Variants in MED13L observed in about 807,000 individuals in gnomAD.
MED13L encodes mediator of RNA polymerase II transcription subunit 13-like.
MED13L carries 7 observed loss-of-function variants against 220.9 expected under a neutral mutation model. The observed-to-expected ratio is 0.03, with a 90% CI of 0.02 to 0.06. The LOEUF (loss-of-function observed/expected upper bound fraction) is 0.06, where lower values mean the gene tolerates loss of function less well. MED13L is among the 10% of genes least tolerant of loss of function. The pLI is 1.00. For missense variants in MED13L, 1,965 were observed against 2,760.5 expected (o/e 0.71, Z 6.46); for synonymous variants, 1,011 against 1,015.2 (o/e 1.00, Z 0.08).
At chr12:116,136,465 G>GGA (rs142607969) in intron 2 of MED13L, among the ~76,000 whole-genome samples, 31 of 152,098 alleles carry the variant, frequency 2.0e-4, no homozygotes, top group African/African-American at 7.5e-4. Flanking sequence ...TGAGAGAGAG[G>GGA]GAGAGAGAGA....
intron 1 of MED13L, chr12:116,276,772 C>A: frequency 1.5e-6 from 2 of 1,297,776 alleles, no homozygotes; most frequent in Non-Finnish European, 2.0e-6. Context: ...AGAGGGTGGG[C>A]GTTCGAAGTG....
chr12:116,038,664 A>G (rs572189170), intron 4 of MED13L, among the ~76,000 whole-genome samples: 5 of 150,410 alleles, frequency 3.3e-5, no homozygotes, highest in Non-Finnish European at 5.9e-5. Context: ...AAAGAGTGTA[A>G]AACAGATGGA....
chr12:116,004,921 G>A (rs1844624397), intron 13 of MED13L, among the ~76,000 whole-genome samples: 1 of 152,134 alleles, frequency 6.6e-6, no homozygotes, highest in South Asian at 2.1e-4. Context: ...GTATCTGAAT[G>A]TCCAGCAACT....
intron 4 of MED13L, among the ~76,000 whole-genome samples, chr12:116,087,061 A>G (rs183035990): frequency 6.6e-6 from 1 of 152,328 alleles, no homozygotes; most frequent in East Asian, 1.9e-4. Flanking sequence ...ATAAAAACTG[A>G]TTCACAAATA....
At chr12:116,027,755 A>G (rs886388489) in intron 4 of MED13L, among the ~76,000 whole-genome samples, 8 of 152,164 alleles carry the variant, frequency 5.3e-5, no homozygotes, top group Admixed American at 1.3e-4. Flanking sequence ...CAAGCCATCA[A>G]TATCTTTATC....
Position 115,996,586 on chromosome 12 carries a change from T to G in MED13L, c.2886A>C (p.Leu962=). Residue 962 remains leucine (L), a synonymous_variant, in exon 16 of 31, where the codon CTA becomes CTC. Coordinates refer to ENST00000281928, the MANE Select transcript of MED13L (RefSeq NM_015335.5). ...PLKMLPSHCL[L]PLKIPDACLF... ...GACAGGCATCAGGTATCTTCAGAGG[T>G]AGCAAACAATGGCTCGGCAACATCT... The G allele has an allele frequency of 1.2e-6, 2 of 1,614,024 alleles. No homozygotes were observed. The highest frequency in any genetic ancestry group is 1.7e-6 in the Non-Finnish European group (2 of 1,179,944).
chr12:116,237,380 A>T, intron 2 of MED13L, 88 bp downstream of exon 2: 1 of 1,067,972 alleles, frequency 9.4e-7, no homozygotes, highest in Non-Finnish European at 1.4e-6. Flanking sequence ...TCGTTCTTTT[A>T]GACAAGTCTT....
intron 4 of MED13L, among the ~76,000 whole-genome samples, chr12:116,031,072 T>C (rs948514827): frequency 3.3e-5 from 5 of 152,226 alleles, no homozygotes; most frequent in South Asian, 2.1e-4. Context: ...AGAAAAAAGT[T>C]CAATAATAAT....
At chr12:115,998,906 A>G (rs1466922370) in intron 14 of MED13L, among the ~76,000 whole-genome samples, 1 of 152,224 alleles carries the variant, frequency 6.6e-6, no homozygotes, top group Non-Finnish European at 1.5e-5. Context: ...AAGAAGAAGA[A>G]AAAACTAAAA....
intron 2 of MED13L, among the ~76,000 whole-genome samples, chr12:116,200,779 T>G (rs774927363): frequency 7.2e-5 from 11 of 152,356 alleles, no homozygotes; most frequent in Admixed American, 1.3e-4. Context: ...AAAAATAGTT[T>G]ATAAAATAAA....
At chr12:116,060,135 C>G (rs934811664) in intron 4 of MED13L, among the ~76,000 whole-genome samples, 1 of 152,044 alleles carries the variant, frequency 6.6e-6, no homozygotes, top group Non-Finnish European at 1.5e-5. Context: ...GGAGGGATCA[C>G]AAAACACTGC....
intron 3 of MED13L, among the ~76,000 whole-genome samples, chr12:116,097,049 C>G (rs1872689525): frequency 6.6e-6 from 1 of 152,174 alleles, no homozygotes; most frequent in African/African-American, 2.4e-5. Context: ...TAAAATCACA[C>G]TTCTGCATAA....
chr12:116,214,184 T>C (rs1882871239), intron 2 of MED13L, among the ~76,000 whole-genome samples: 1 of 152,200 alleles, frequency 6.6e-6, no homozygotes, highest in Non-Finnish European at 1.5e-5. Flanking sequence ...GTAATATAAA[T>C]AAATCCACTG....
chr12:116,195,092 G>A (rs962881593), intron 2 of MED13L, among the ~76,000 whole-genome samples: 1 of 152,208 alleles, frequency 6.6e-6, no homozygotes, highest in African/African-American at 2.4e-5. Context: ...GGGTAAGTAA[G>A]CTGTGTGGAC....
chr12:116,019,532 G>T, intron 6 of MED13L, 120 bp from the exon 7 acceptor site: 1 of 1,211,318 alleles, frequency 8.3e-7, no homozygotes. Flanking sequence ...AAAGTGATAG[G>T]CTCCATTCTT....
chr12:115,999,234 G>A (rs58974731), intron 14 of MED13L, among the ~76,000 whole-genome samples: 2,600 of 152,098 alleles, frequency 0.017, 26 homozygotes, highest in Middle Eastern at 0.045. Flanking sequence ...GCAATATGGC[G>A]AAATCCTGTC....
At chr12:115,995,145 A>C (rs927107243) in intron 16 of MED13L, among the ~76,000 whole-genome samples, 6 of 152,150 alleles carry the variant, frequency 3.9e-5, no homozygotes, top group African/African-American at 1.4e-4. Flanking sequence ...TACGACATTA[A>C]AATTAACTTC....
Position 115,983,149 on chromosome 12 carries a change from G to A in MED13L, c.4923C>T (p.Ser1641=), listed in dbSNP as rs1877448295. Residue 1641 remains serine (S), a synonymous_variant, in exon 21 of 31, where the codon AGC becomes AGT. Coordinates refer to ENST00000281928, the MANE Select transcript of MED13L (RefSeq NM_015335.5). ...GTCCATCCTGTGAGGGCTGAGAAGA[G>A]CTCTGCCCAGGGTCAGTGTCTCCAC... ...GCGGDTDPGQ[S]SSQPSQDGQE... The A allele has an allele frequency of 6.2e-7, 1 of 1,614,066 alleles. No homozygotes were observed.
intron 4 of MED13L, among the ~76,000 whole-genome samples, chr12:116,078,488 C>T (rs561609026): frequency 7.9e-5 from 12 of 152,270 alleles, no homozygotes; most frequent in African/African-American, 2.2e-4. Context: ...TTTGTAGATG[C>T]GTGGTTCTCA....
Sources: allele counts gnomAD v4.1 joint callset (sites outside exome capture counted in the v4.1 genomes callset), GRCh38; gene constraint gnomAD v4.1.1; transcripts MANE v1.5; gene names NCBI Gene and HGNC (gene_info 2026-07-23, HGNC 2026-07-21).